Variants in TNRC18 observed in about 807,000 individuals in gnomAD.
TNRC18 encodes the protein trinucleotide repeat containing 18.
Under a neutral mutation model 226.7 loss-of-function variants are expected in TNRC18, and 69 were observed. The observed-to-expected ratio is 0.30, with a 90% CI of 0.25 to 0.37. The LOEUF is 0.37. Among genes scored for constraint, TNRC18 ranks in the 10% least tolerant of loss-of-function variants. The probability of loss-of-function intolerance (pLI) is 1.00; values close to 1 mark genes in which losing one functional copy is unlikely to be tolerated. For missense variants in TNRC18, 4,754 were observed against 4,256.6 expected (o/e 1.12, Z -3.25); for synonymous variants, 2,449 against 1,927.6 (o/e 1.27, Z -7.09).
intron 2 of TNRC18, among the ~76,000 whole-genome samples, chr7:5,418,407 C>T (rs945718676): frequency 3.3e-5 from 5 of 152,210 alleles, no homozygotes; most frequent in Non-Finnish European, 7.3e-5. Context: ...CCAGCTCTTC[C>T]AGAGGACCTT....
At chr7:5,399,478 C>T (rs764792941) in intron 2 of TNRC18, among the ~76,000 whole-genome samples, 1 of 152,054 alleles carries the variant, frequency 6.6e-6, no homozygotes, top group African/African-American at 2.4e-5. Context: ...TTTGGGAGGA[C>T]GAGGCGGGCA....
In TNRC18 at chr7:5,351,965, G is replaced by C; in HGVS notation, c.5324C>G (p.Pro1775Arg). Reference sequence around the variant, plus strand: ...CGCCAGGCCCCTCTTGGTCAGCTTGGGGCCACCAGCTGCCTTGCTGTTCTT... The same window carrying C: ...CGCCAGGCCCCTCTTGGTCAGCTTGCGGCCACCAGCTGCCTTGCTGTTCTT... ...VAKNSKAAGGPKLTKRGLAAP... is the reference protein window; with the variant it reads ...VAKNSKAAGGRKLTKRGLAAP... The change falls in exon 17 of 30, where the codon CCC (proline) becomes CGC (arginine). Residue 1775 changes from proline to arginine, a missense_variant. By Grantham distance (103) the Pro-to-Arg change is moderately radical (BLOSUM62 -2). Transcript: ENST00000430969. 2 of 1,613,924 alleles carry C rather than the reference G, an allele frequency of 1.2e-6. No homozygotes were observed. Among genetic ancestry groups the C allele is most frequent in the Non-Finnish European group, 1.7e-6 (2 of 1,179,864 alleles).
chr7:5,365,035 G>T (rs908692907), intron 11 of TNRC18, among the ~76,000 whole-genome samples: 2 of 141,570 alleles, frequency 1.4e-5, no homozygotes, highest in African/African-American at 5.2e-5. Flanking sequence ...GGGGGGGCGG[G>T]GGCGGAAGGG....
At chr7:5,367,048 G>T (rs530970476) in intron 11 of TNRC18, among the ~76,000 whole-genome samples, 140 of 152,298 alleles carry the variant, frequency 9.2e-4, no homozygotes, top group Non-Finnish European at 1.4e-3. Context: ...CCTTCATTCC[G>T]TAAGGCTGGT....
At chr7:5,417,167 A>T (rs963038141) in intron 2 of TNRC18, among the ~76,000 whole-genome samples, 1 of 149,320 alleles carries the variant, frequency 6.7e-6, no homozygotes, top group African/African-American at 2.5e-5. Flanking sequence ...AAAAAAAAAA[A>T]ATTTTAAGTA....
Position 5,376,210 on chromosome 7 carries a change from G to T in TNRC18, c.2623C>A (p.Arg875=). Residue 875 remains arginine, a synonymous_variant, in exon 9 of 30, where the codon CGG becomes AGG. Coordinates refer to ENST00000430969, the MANE Select transcript of TNRC18 (RefSeq NM_001080495.3). ...GGCCAGAGGGGCGGTACGGTGGCCC[G>T]CTCCATCAGCTCCGCTGCAGGGACA... ...HLPHFAELME[R]ATVPPLWPAL... is the part of the protein sequence containing the mutation. 6.7e-7 allele frequency: 1 copy of T among 1,501,262 alleles called. No individual in the cohort carries two copies. The highest frequency in any genetic ancestry group is 8.9e-7 in the Non-Finnish European group (1 of 1,128,584). 93.0% of individuals were successfully genotyped at this position (1,501,262 alleles called of 1,614,324 possible). A position where few individuals can be genotyped will look rare whatever the true frequency, so the allele number is the denominator to read the frequency against.
intron 2 of TNRC18, among the ~76,000 whole-genome samples, chr7:5,396,540 A>G (rs1390424071): frequency 3.3e-5 from 5 of 152,086 alleles, no homozygotes; most frequent in Non-Finnish European, 7.4e-5. Context: ...AAATATAAAT[A>G]ATAACAATAA....
chr7:5,365,004 G>T (rs1793472227), intron 11 of TNRC18, among the ~76,000 whole-genome samples: 1 of 148,596 alleles, frequency 6.7e-6, no homozygotes, highest in Non-Finnish European at 1.5e-5. Context: ...AACGTGCAAA[G>T]GAGCCTACGC....
At chr7:5,368,445 T>C (rs546910100) in intron 11 of TNRC18, among the ~76,000 whole-genome samples, 1,962 of 152,004 alleles carry the variant, frequency 0.013, 47 homozygotes, top group African/African-American at 0.045. Flanking sequence ...GGTGGATCAC[T>C]TGAGGTCAGG....
chr7:5,374,480 T>C lies in TNRC18; in HGVS notation c.2804A>G (p.Glu935Gly), dbSNP rs1271619696. 2 of 1,545,888 alleles carry C rather than the reference T, an allele frequency of 1.3e-6. No homozygotes were observed. Among genetic ancestry groups the C allele is most frequent in the Non-Finnish European group, 1.7e-6 (2 of 1,145,284 alleles). ...ELQRSAQLVQ[E>G]RLKAQEHRAE... Reference sequence around the variant, plus strand: ...CCGGTGCTCCTGCGCCTTCAACCGCTCCTGCTGGGAAGGGGCCGGCAGGCA... The same window carrying C: ...CCGGTGCTCCTGCGCCTTCAACCGCCCCTGCTGGGAAGGGGCCGGCAGGCA... The change falls in exon 10 of 30, where the codon GAG becomes GGG. Residue 935 changes from glutamate to glycine, a missense_variant. Transcript: ENST00000430969.
At chr7:5,308,712 A>G (rs1786862067) in intron 29 of TNRC18, among the ~76,000 whole-genome samples, 163 bp downstream of exon 29, 1 of 152,166 alleles carries the variant, frequency 6.6e-6, no homozygotes, top group Non-Finnish European at 1.5e-5. Context: ...CCAGAGAGAC[A>G]GAGAACAGGA....
At chr7:5,354,594 G>A (rs1253179930) in intron 16 of TNRC18, among the ~76,000 whole-genome samples, 5 of 152,036 alleles carry the variant, frequency 3.3e-5, no homozygotes, top group South Asian at 2.1e-4. Context: ...AGGCTACACT[G>A]CTCTGATCAC....
intron 18 of TNRC18, among the ~76,000 whole-genome samples, chr7:5,341,591 C>G (rs536906002): frequency 1.3e-5 from 2 of 151,560 alleles, no homozygotes; most frequent in Admixed American, 1.3e-4. Context: ...TGGGGAAACC[C>G]CGTTTCTACC....
In TNRC18 at chr7:5,309,430, G is replaced by A; in HGVS notation, c.8389-62C>T. The A allele has an allele frequency of 2.7e-6, 4 of 1,465,144 alleles. No homozygotes were observed. Among genetic ancestry groups the A allele is most frequent in the African/African-American group, 2.8e-5 (2 of 71,732 alleles). The allele number at this position is 1,465,144 out of a possible 1,614,324, so 90.8% of individuals were successfully genotyped here. ...CCAGCCCCAAGGAGCCCGCCGCCTGGCAGGCTCTGCCGCTTGGGACTCTGG... is the reference window on the plus strand; with the variant it reads ...CCAGCCCCAAGGAGCCCGCCGCCTGACAGGCTCTGCCGCTTGGGACTCTGG... On this transcript the variant is annotated intron_variant, in intron 27 of 29. Coordinates refer to ENST00000430969, the MANE Select transcript of TNRC18 (RefSeq NM_001080495.3). This position sits in a 1 kb window ranked among gnomAD's most constrained non-coding sequence, Gnocchi z 5.7.
At chr7:5,331,275 C>T (rs368658624) in intron 19 of TNRC18, among the ~76,000 whole-genome samples, 3 of 152,204 alleles carry the variant, frequency 2.0e-5, no homozygotes, top group Non-Finnish European at 4.4e-5. Flanking sequence ...CTGAACGCAT[C>T]CAAATAGGAG....
At chr7:5,351,395 T>C (rs1355718518) in intron 17 of TNRC18, among the ~76,000 whole-genome samples, 1 of 151,798 alleles carries the variant, frequency 6.6e-6, no homozygotes, top group African/African-American at 2.4e-5. Context: ...TTACAAAATG[T>C]TCCTCGGGAA....
Position 5,377,846 on chromosome 7 carries a change from G to T in TNRC18, c.2255+76C>A. On this transcript the variant is annotated intron_variant, in intron 6 of 29. Transcript: ENST00000430969. The surrounding 1 kb of genome is among the most constrained non-coding windows in gnomAD (Gnocchi z 5.8). ...ATGGTCGAGGGGCCAAGCCCACCTG[G>T]GGTCATCCAGCTGCCCCTCACCCCC... 7.0e-7 allele frequency: 1 copy of T among 1,436,252 alleles called. No homozygotes were observed. Among genetic ancestry groups the T allele is most frequent in the Admixed American group, 1.8e-5 (1 of 56,688 alleles). The allele number at this position is 1,436,252 out of a possible 1,614,324, so 89.0% of individuals were successfully genotyped here.
intron 11 of TNRC18, among the ~76,000 whole-genome samples, chr7:5,369,964 T>C (rs1191780389): frequency 1.3e-5 from 2 of 152,166 alleles, no homozygotes; most frequent in Non-Finnish European, 2.9e-5. Context: ...TTTAAAAAAT[T>C]AATATGAATA....
chr7:5,313,641 G>A lies in TNRC18; in HGVS notation c.7250C>T (p.Ala2417Val). Residue 2417 changes from alanine (A) to valine (V), a missense_variant, in exon 27 of 30, where the codon GCT (alanine) becomes GTT (valine). Physicochemically the swap from Ala to Val is moderately conservative, Grantham distance 64 (BLOSUM62 0). Coordinates refer to ENST00000430969, the MANE Select transcript of TNRC18 (RefSeq NM_001080495.3). ...PAPEPFAELPAPATSLAPAPL... is the reference protein window; with the variant it reads ...PAPEPFAELPVPATSLAPAPL... ...TGCTGGGGCCAGGGAGGTGGCAGGA[G>A]CTGGCAGCTCTGCAAATGGCTCGGG... The A allele has an allele frequency of 6.2e-7, 1 of 1,604,914 alleles. No individual in the cohort carries two copies. The highest frequency in any genetic ancestry group is 8.5e-7 in the Non-Finnish European group (1 of 1,176,564).
Sources: allele counts gnomAD v4.1 joint callset (sites outside exome capture counted in the v4.1 genomes callset), GRCh38; gene constraint gnomAD v4.1.1; non-coding constraint Gnocchi (gnomAD v3.1); transcripts MANE v1.5; gene names NCBI Gene and HGNC (gene_info 2026-07-23, HGNC 2026-07-21).